The following CUL1 variants were observed in gnomAD, a reference collection of about 807,000 sequenced individuals.
CUL1 encodes cullin 1.
In CUL1, 24 loss-of-function variants were observed where a neutral mutation model predicts 118.0. The observed-to-expected ratio is 0.20, with a 90% CI of 0.15 to 0.29. CUL1 has a LOEUF of 0.29. CUL1 is among the 10% of genes least tolerant of loss of function. The pLI, the probability that CUL1 is intolerant of heterozygous loss-of-function variation, is 1.00. For missense variants in CUL1, 361 were observed against 933.8 expected (o/e 0.39, Z 7.99); for synonymous variants, 332 against 340.4 (o/e 0.98, Z 0.27).
At chr7:148,741,529 C>G (rs1393767713) in intron 2 of CUL1, among the ~76,000 whole-genome samples, 1 of 152,260 alleles carries the variant, frequency 6.6e-6, no homozygotes, top group African/African-American at 2.4e-5. Context: ...ACCTCCTCCT[C>G]TTAGGTTCAA....
At chr7:148,753,817 T>TATG (rs1251607827) in intron 2 of CUL1, among the ~76,000 whole-genome samples, 159 bp from the exon 3 acceptor site, 1 of 152,222 alleles carries the variant, frequency 6.6e-6, no homozygotes, top group Non-Finnish European at 1.5e-5. Context: ...CTTTTAGCTT[T>TATG]ATGGATAGTG....
Position 148,790,304 on chromosome 7 carries a change from ATC to A in CUL1, c.1675-4_1675-3del. The A allele has an allele frequency of 6.2e-7, 1 of 1,614,026 alleles. No individual in the cohort carries two copies. On this transcript the variant is annotated splice_polypyrimidine_tract_variant and splice_region_variant and intron_variant, in intron 15 of 21. Transcript: ENST00000325222. ...GTATTCCATATAATGCTGTCCTTTT[ATC>A]TAGTTGGAACGTAGTTATCAGCGAT...
chr7:148,718,117 G>A (rs961756032), intron 1 of CUL1, among the ~76,000 whole-genome samples: 3 of 152,220 alleles, frequency 2.0e-5, no homozygotes, highest in African/African-American at 4.8e-5. Context: ...GAACCTGGTT[G>A]TCTTGGAGAG....
At chr7:148,776,920 A>G (rs547572974) in intron 9 of CUL1, among the ~76,000 whole-genome samples, 30 of 152,322 alleles carry the variant, frequency 2.0e-4, no homozygotes, top group Admixed American at 1.2e-3. Flanking sequence ...TCCTTTCTGA[A>G]ACATTCTACC....
In CUL1 at chr7:148,744,682, A is replaced by G. The variant is rs145050427; in HGVS notation, c.141-9294A>G. 2.0e-5 allele frequency among the ~76,000 whole-genome samples: 3 copies of G among 152,198 alleles called. No individual in the cohort carries two copies. The South Asian group carries it at 6.2e-4, about 31-fold the overall frequency. The stretch of plus-strand genomic sequence containing the variant: ...TGTATTTTAAAGAATTAAGAAAAGT[A>G]TATTTACCCAGATACTTACTGTTTC... On this transcript the variant is annotated intron_variant, in intron 2 of 21. Coordinates refer to ENST00000325222, the MANE Select transcript of CUL1 (RefSeq NM_003592.3).
chr7:148,758,406 C>T (rs1417877198), intron 4 of CUL1, among the ~76,000 whole-genome samples: 1 of 152,104 alleles, frequency 6.6e-6, no homozygotes, highest in Non-Finnish European at 1.5e-5. Context: ...GCTTGTAATC[C>T]TAGCACTTTG....
chr7:148,753,792 A>G (rs1799569890), intron 2 of CUL1, among the ~76,000 whole-genome samples, 184 bp from the exon 3 acceptor site: 1 of 152,196 alleles, frequency 6.6e-6, no homozygotes, highest in Non-Finnish European at 1.5e-5. Context: ...CAACCTTGTG[A>G]ATGGGGCTTG....
intron 2 of CUL1, among the ~76,000 whole-genome samples, chr7:148,748,024 G>A (rs1208467605): frequency 6.6e-6 from 1 of 152,148 alleles, no homozygotes; most frequent in Non-Finnish European, 1.5e-5. Context: ...GGTAAAGTGG[G>A]CATGTCATAT....
chr7:148,790,692 A>C (rs1301232001), intron 16 of CUL1, among the ~76,000 whole-genome samples: 2 of 152,290 alleles, frequency 1.3e-5, no homozygotes, highest in South Asian at 4.1e-4. Flanking sequence ...AGTACTTTAT[A>C]GTTGGGAATT....
rs147898736 is a variant in CUL1, at chr7:148,716,967, A to C, written c.-161-12995A>C. On this transcript the variant is annotated intron_variant, in intron 1 of 21. Coordinates refer to ENST00000325222, the MANE Select transcript of CUL1 (RefSeq NM_003592.3). ...GGGTAAATGCATCTGTCATGTTATT[A>C]GATCTGGCAAATTCCTGTTCTTACC... is the stretch of plus-strand genomic sequence containing the variant. 4.8e-3 allele frequency among the ~76,000 whole-genome samples: 727 copies of C among 152,326 alleles called. 8 individuals are homozygous for C. Among genetic ancestry groups the C allele is most frequent in the African/African-American group, 0.016 (683 of 41,570 alleles).
chr7:148,726,853 T>TAAAA (rs1283834999), intron 1 of CUL1, among the ~76,000 whole-genome samples: 16 of 135,810 alleles, frequency 1.2e-4, no homozygotes, highest in South Asian at 2.5e-4. Context: ...AAAAAAAATT[T>TAAAA]TTTTTTAAAT....
intron 1 of CUL1, among the ~76,000 whole-genome samples, chr7:148,704,185 G>A (rs1797811750): frequency 7.1e-6 from 1 of 141,248 alleles, no homozygotes; most frequent in Admixed American, 7.6e-5. Context: ...GAAAAAAATG[G>A]GCAAACTGGT....
intron 9 of CUL1, among the ~76,000 whole-genome samples, chr7:148,775,589 G>A (rs763012956): frequency 4.6e-5 from 7 of 152,264 alleles, no homozygotes; most frequent in Non-Finnish European, 1.0e-4. Context: ...TAGGACAAAA[G>A]GAAGCACGGT....
intron 1 of CUL1, among the ~76,000 whole-genome samples, chr7:148,705,242 C>CT (rs941897480): frequency 1.6e-4 from 25 of 151,838 alleles, no homozygotes; most frequent in African/African-American, 5.8e-4. Context: ...GTGGAAGTTT[C>CT]TTTTTTTTAG....
At chr7:148,756,163 A>C (rs1799650445) in intron 3 of CUL1, among the ~76,000 whole-genome samples, 1 of 152,242 alleles carries the variant, frequency 6.6e-6, no homozygotes, top group African/African-American at 2.4e-5. Context: ...TCGTAAATGC[A>C]CATTTTCTTG....
intron 7 of CUL1, 64 bp from the exon 8 acceptor site, chr7:148,766,497 T>G: frequency 7.5e-7 from 1 of 1,335,422 alleles, no homozygotes; most frequent in Non-Finnish European, 1.0e-6. Flanking sequence ...ATTTACATAT[T>G]AAAGAATTGT....
chr7:148,704,974 C>G (rs781146825), intron 1 of CUL1, among the ~76,000 whole-genome samples: 5 of 152,170 alleles, frequency 3.3e-5, no homozygotes, highest in African/African-American at 1.2e-4. Flanking sequence ...TAGTGTTTGC[C>G]GTACTGGCAG....
chr7:148,751,283 A>C (rs1363665048), intron 2 of CUL1, among the ~76,000 whole-genome samples: 1 of 152,138 alleles, frequency 6.6e-6, no homozygotes, highest in African/African-American at 2.4e-5. Flanking sequence ...AAGGTGGCTC[A>C]CATCTGTAAT....
upstream of CUL1, chr7:148,698,080 T>C (rs1038384383): frequency 2.6e-5 from 4 of 152,198 alleles, no homozygotes; most frequent in Non-Finnish European, 4.4e-5. Context: ...TTAGAAGTGA[T>C]TTTTAAAACG....
Sources: gnomAD v4.1 joint callset for allele counts (sites outside exome capture counted in the v4.1 genomes callset) on GRCh38, gnomAD v4.1.1 for gene constraint, MANE v1.5 for transcripts, NCBI Gene and HGNC (gene_info 2026-07-23, HGNC 2026-07-21) for gene names.